FNBP1: variants seen among roughly 807,000 people sequenced by gnomAD.
The protein encoded by FNBP1 is formin-binding protein 1.
FNBP1 carries 26 observed loss-of-function variants against 90.6 expected under a neutral mutation model. That is an observed-to-expected ratio of 0.29 (90% confidence interval 0.21 to 0.40). FNBP1 has a LOEUF of 0.40. Ranked by LOEUF, FNBP1 falls within the 10% of genes least tolerant of loss-of-function variation. FNBP1 has a pLI of 1.00. For synonymous variants in FNBP1, 260 were observed against 265.2 expected, an observed-to-expected ratio of 0.98 and a Z score of 0.19; for missense variants, 635 against 768.0, an observed-to-expected ratio of 0.83 and a Z score of 2.05.
At chr9:129,908,378 C>CT (rs530113400) in intron 12 of FNBP1, among the ~76,000 whole-genome samples, 403 of 132,422 alleles carry the variant, frequency 3.0e-3, no homozygotes, top group South Asian at 4.8e-3. Context: ...TAGTTTTTTT[C>CT]TTTTTTTTTT....
intron 11 of FNBP1, among the ~76,000 whole-genome samples, chr9:129,911,947 A>AAC (rs1564304435): frequency 6.7e-6 from 1 of 149,548 alleles, no homozygotes; most frequent in Non-Finnish European, 1.5e-5. Context: ...AAAAAAAAAA[A>AAC]CCCAAAAACA....
At chr9:129,996,589 G>A (rs188606461) in intron 1 of FNBP1, among the ~76,000 whole-genome samples, 30 of 152,330 alleles carry the variant, frequency 2.0e-4, no homozygotes, top group Non-Finnish European at 3.8e-4. Flanking sequence ...AGGATCATGC[G>A]AAATGGGGAA....
At chr9:129,905,879 C>CTTTTTTTTTTTTTTTTTTTTTT (rs35439760) in intron 12 of FNBP1, among the ~76,000 whole-genome samples, 4 of 145,394 alleles carry the variant, frequency 2.8e-5, no homozygotes, top group Non-Finnish European at 3.0e-5. Context: ...AGGCATATTT[C>CTTTTTTTTTTTTTTTTTTTTTT]TTTTTTTTTT....
At chr9:129,908,043 G>C (rs1374339678) in intron 12 of FNBP1, among the ~76,000 whole-genome samples, 1 of 151,168 alleles carries the variant, frequency 6.6e-6, no homozygotes, top group African/African-American at 2.4e-5. Context: ...TGATTCTTAA[G>C]CAAACAGCTC....
intron 6 of FNBP1, among the ~76,000 whole-genome samples, chr9:129,945,735 G>A (rs979164659): frequency 3.3e-5 from 5 of 152,210 alleles, no homozygotes; most frequent in East Asian, 1.9e-4. Flanking sequence ...ACTAAATTTC[G>A]TTTGTTTTCT....
intron 6 of FNBP1, among the ~76,000 whole-genome samples, chr9:129,940,105 G>A (rs2044102685): frequency 6.6e-6 from 1 of 152,116 alleles, no homozygotes; most frequent in Non-Finnish European, 1.5e-5. Flanking sequence ...AGAGGTTGAG[G>A]TGGGAGGATC....
intron 6 of FNBP1, among the ~76,000 whole-genome samples, chr9:129,935,343 A>T (rs1471204808): frequency 1.3e-5 from 2 of 152,066 alleles, no homozygotes; most frequent in African/African-American, 2.4e-5. Context: ...TATTAAGGAG[A>T]ATAACACTCT....
chr9:130,048,122 C>A (rs1349992777), upstream of FNBP1, among the ~76,000 whole-genome samples: 2 of 150,924 alleles, frequency 1.3e-5, no homozygotes, highest in Non-Finnish European at 1.5e-5. Context: ...GAGTTCAAGA[C>A]CAGCCTGGGC....
chr9:129,956,262 G>T (rs756521780), intron 6 of FNBP1, among the ~76,000 whole-genome samples: 1 of 152,074 alleles, frequency 6.6e-6, no homozygotes, highest in Non-Finnish European at 1.5e-5. Context: ...GCAGAATTTG[G>T]CAAATAATAG....
chr9:129,973,623 C>T (rs1312549767), intron 4 of FNBP1, among the ~76,000 whole-genome samples: 24 of 151,538 alleles, frequency 1.6e-4, no homozygotes, highest in Middle Eastern at 6.3e-3. Context: ...GCCTCAGCCT[C>T]CCAAGTAGCT....
At chr9:129,910,021 T>C in intron 11 of FNBP1, 1 of 387,750 alleles carries the variant, frequency 2.6e-6, no homozygotes, top group Non-Finnish European at 5.2e-6. Flanking sequence ...TGCATTTTGA[T>C]ATCTTGATTC....
chr9:129,895,553 A>C, intron 16 of FNBP1: 1 of 1,232,778 alleles, frequency 8.1e-7, no homozygotes, highest in Non-Finnish European at 1.0e-6. Flanking sequence ...CGCCAAAAGA[A>C]GAAATGTTTA....
At chr9:130,030,214 C>A (rs2058681953) in intron 1 of FNBP1, among the ~76,000 whole-genome samples, 1 of 152,050 alleles carries the variant, frequency 6.6e-6, no homozygotes, top group South Asian at 2.1e-4. Context: ...GTGGGTGGAT[C>A]ACTTGAGGTC....
chr9:129,929,633 G>A lies in FNBP1; in HGVS notation c.576C>T (p.Ser192=). The change falls in exon 7 of 17, where the codon TCC becomes TCT. Residue 192 remains serine, a synonymous_variant. Transcript: ENST00000446176. ...MAEDSKADYS[S]ILQKFNHEQH... is the part of the protein sequence containing the mutation. ...GCTCATGGTTGAATTTCTGGAGAAT[G>A]GATGAGTAATCTGCTTTGCTGTCCT... is the stretch of plus-strand genomic sequence containing the variant. 1 of 1,613,720 alleles carries A rather than the reference G, an allele frequency of 6.2e-7. No homozygotes were observed. Among genetic ancestry groups the A allele is most frequent in the Non-Finnish European group, 8.5e-7 (1 of 1,179,654 alleles).
chr9:130,024,832 G>C (rs779570848), intron 1 of FNBP1, among the ~76,000 whole-genome samples: 1 of 152,134 alleles, frequency 6.6e-6, no homozygotes, highest in Non-Finnish European at 1.5e-5. Flanking sequence ...CTCACTTGCT[G>C]ATCTGCCAAA....
intron 2 of FNBP1, among the ~76,000 whole-genome samples, chr9:129,989,646 T>C (rs769131660): frequency 5.9e-5 from 9 of 152,068 alleles, no homozygotes; most frequent in African/African-American, 1.9e-4. Context: ...CTGGGAAGGT[T>C]TGGGGAGATG....
At chr9:130,020,355 G>A (rs1204479347) in intron 1 of FNBP1, among the ~76,000 whole-genome samples, 3 of 152,006 alleles carry the variant, frequency 2.0e-5, no homozygotes, top group Non-Finnish European at 4.4e-5. Context: ...GATTACAGGC[G>A]CCCGCCACCA....
At chr9:129,949,203 A>C (rs2045802223) in intron 6 of FNBP1, among the ~76,000 whole-genome samples, 1 of 152,168 alleles carries the variant, frequency 6.6e-6, no homozygotes, top group Admixed American at 6.6e-5. Flanking sequence ...CAAAGCCTTC[A>C]AGTTCAAAAC....
At chr9:129,968,674 A>G (rs1451739368) in intron 4 of FNBP1, among the ~76,000 whole-genome samples, 1 of 152,206 alleles carries the variant, frequency 6.6e-6, no homozygotes, top group Non-Finnish European at 1.5e-5. Flanking sequence ...TCCATTTTCA[A>G]ACATTTCAGA....
Sources: allele counts gnomAD v4.1 joint callset (sites outside exome capture counted in the v4.1 genomes callset), GRCh38; gene constraint gnomAD v4.1.1; transcripts MANE v1.5; gene names NCBI Gene and HGNC (gene_info 2026-07-23, HGNC 2026-07-21).